The following PCDH15 variants were observed in gnomAD, a reference collection of about 807,000 sequenced individuals.
PCDH15 encodes protocadherin-15.
PCDH15 carries 129 observed loss-of-function variants against 178.5 expected under a neutral mutation model. That is an observed-to-expected ratio of 0.72 (90% CI 0.63 to 0.84). PCDH15 has a LOEUF of 0.84. Ranked by LOEUF, PCDH15 falls within the 40% of genes least tolerant of loss-of-function variation. PCDH15 has a pLI of 0.00. For synonymous variants in PCDH15, 800 were observed against 732.0 expected (o/e 1.09, Z -1.50); for missense variants, 2,230 against 2,099.9 (o/e 1.06, Z -1.21).
chr10:54,827,246 T>C (rs1401541424), intron 3 of PCDH15, among the ~76,000 whole-genome samples: 1 of 152,070 alleles, frequency 6.6e-6, no homozygotes, highest in Admixed American at 6.6e-5. Flanking sequence ...CAGTATGAAG[T>C]CTCTCCTGAG....
At chr10:55,062,265 C>T (rs796467163) in intron 2 of PCDH15, among the ~76,000 whole-genome samples, 15 of 152,236 alleles carry the variant, frequency 9.9e-5, no homozygotes, top group African/African-American at 2.9e-4. Flanking sequence ...CATATGAAGA[C>T]ACAATGAGAA....
At chr10:54,962,044 C>T (rs1319113891) in intron 2 of PCDH15, among the ~76,000 whole-genome samples, 7 of 152,356 alleles carry the variant, frequency 4.6e-5, no homozygotes, top group African/African-American at 1.4e-4. Flanking sequence ...CTCTCCACTT[C>T]GCTTACCCTC....
intron 21 of PCDH15, among the ~76,000 whole-genome samples, chr10:53,984,334 T>C (rs958786661): frequency 6.6e-6 from 1 of 151,856 alleles, no homozygotes; most frequent in Non-Finnish European, 1.5e-5. Context: ...TATATTTTAG[T>C]AGAGACGGAG....
At chr10:55,377,909 G>A (rs184282536) in intron 2 of PCDH15, among the ~76,000 whole-genome samples, 250 of 152,134 alleles carry the variant, frequency 1.6e-3, no homozygotes, top group African/African-American at 5.0e-3. Flanking sequence ...CCTTCGTGGC[G>A]ACATAGATGA....
chr10:53,995,812 A>G (rs1298881925), intron 20 of PCDH15, 47 bp from the exon 21 acceptor site: 17 of 1,545,998 alleles, frequency 1.1e-5, no homozygotes, highest in Middle Eastern at 3.5e-4. Context: ...AAACCAGGTT[A>G]GGGATACAGT....
intron 5 of PCDH15, among the ~76,000 whole-genome samples, chr10:54,360,383 C>T (rs1190228996): frequency 2.0e-5 from 3 of 152,148 alleles, no homozygotes; most frequent in Non-Finnish European, 2.9e-5. Flanking sequence ...GGCTGAAGCA[C>T]CTGATTAAAT....
chr10:54,099,213 G>T (rs2094758166), intron 15 of PCDH15, among the ~76,000 whole-genome samples: 1 of 152,020 alleles, frequency 6.6e-6, no homozygotes, highest in Non-Finnish European at 1.5e-5. Context: ...AAAAACAATA[G>T]ACACAGGCTG....
At chr10:55,446,204 C>G (rs567842171) in intron 2 of PCDH15, among the ~76,000 whole-genome samples, 13 of 151,920 alleles carry the variant, frequency 8.6e-5, no homozygotes, top group Admixed American at 5.9e-4. Context: ...CACACGAACA[C>G]ACACACAGAA....
At chr10:55,290,217 T>C (rs1242366317) in intron 1 of PCDH15, among the ~76,000 whole-genome samples, 2 of 151,886 alleles carry the variant, frequency 1.3e-5, no homozygotes, top group Non-Finnish European at 2.9e-5. Flanking sequence ...CTCAAGGAGA[T>C]GGGTTGAAGT....
chr10:54,158,728 T>C (rs1367138131), intron 13 of PCDH15, among the ~76,000 whole-genome samples: 1 of 151,130 alleles, frequency 6.6e-6, no homozygotes, highest in Non-Finnish European at 1.5e-5. Context: ...AAAGCCACAG[T>C]TGATATAAAC....
At chr10:54,313,749 A>C (rs372376746) in intron 8 of PCDH15, among the ~76,000 whole-genome samples, 3 of 152,286 alleles carry the variant, frequency 2.0e-5, no homozygotes, top group African/African-American at 7.2e-5. Context: ...CAACCTCTAG[A>C]CATTATGATC....
chr10:55,617,738 T>C (rs1489310876), intron 2 of PCDH15, among the ~76,000 whole-genome samples: 1 of 152,046 alleles, frequency 6.6e-6, no homozygotes, highest in East Asian at 1.9e-4. Flanking sequence ...TCTTTTAAAT[T>C]GGGAAAACTG....
Position 54,639,534 on chromosome 10 carries a change from G to C in PCDH15, c.91+24638C>G, listed in dbSNP as rs950871178. Among the ~76,000 whole-genome samples, 5 of 151,958 alleles carry C rather than the reference G, an allele frequency of 3.3e-5. No individual in the cohort carries two copies. The East Asian group carries it at 9.6e-4, about 29-fold the overall frequency. On this transcript the variant is annotated intron_variant, in intron 2 of 37. Transcript: ENST00000644397. ...TTTCTCCATAATTTGACTTAAAATG[G>C]TTATTTTAATAAATTAAATACAAGA... is the stretch of plus-strand genomic sequence containing the variant.
intron 2 of PCDH15, among the ~76,000 whole-genome samples, chr10:55,019,733 T>C (rs149507648): frequency 1.4e-4 from 21 of 152,288 alleles, no homozygotes; most frequent in African/African-American, 3.6e-4. Context: ...CAACCTCTCA[T>C]ACCCTTCGGA....
At chr10:54,296,081 C>A (rs2059752064) in intron 8 of PCDH15, among the ~76,000 whole-genome samples, 1 of 135,180 alleles carries the variant, frequency 7.4e-6, no homozygotes, top group African/African-American at 2.8e-5. Context: ...GGAGGCGGAG[C>A]TTGCAGGGAG....
chr10:54,840,684 C>T (rs988145555), intron 3 of PCDH15, among the ~76,000 whole-genome samples: 1 of 151,648 alleles, frequency 6.6e-6, no homozygotes, highest in Non-Finnish European at 1.5e-5. Context: ...ATACATACAA[C>T]AGACTCACCT....
chr10:54,515,885 AG>A (rs1289624101), intron 3 of PCDH15, among the ~76,000 whole-genome samples: 4 of 152,204 alleles, frequency 2.6e-5, no homozygotes, highest in African/African-American at 9.6e-5. Context: ...CCAGGCAAAC[AG>A]GGTCTGGAGG....
At chr10:54,798,277 G>A (rs916305820) in intron 1 of PCDH15, among the ~76,000 whole-genome samples, 1 of 151,512 alleles carries the variant, frequency 6.6e-6, no homozygotes, top group Non-Finnish European at 1.5e-5. Context: ...AGTCATATTT[G>A]AGTCTGAAAC....
intron 21 of PCDH15, among the ~76,000 whole-genome samples, chr10:53,980,163 G>T (rs1167601500): frequency 1.3e-5 from 2 of 151,028 alleles, no homozygotes; most frequent in Non-Finnish European, 2.9e-5. Context: ...GGAGGTTGCA[G>T]TGAGCTGAGA....
Sources: gnomAD v4.1 joint callset for allele counts (sites outside exome capture counted in the v4.1 genomes callset) on GRCh38, gnomAD v4.1.1 for gene constraint, MANE v1.5 for transcripts, NCBI Gene and HGNC (gene_info 2026-07-23, HGNC 2026-07-21) for gene names.